The following BCL2L10 variants were observed in gnomAD, a reference collection of about 807,000 sequenced individuals.
BCL2L10 encodes BCL2 like 10, also known as bcl-2-like protein 10.
BCL2L10 carries 14 observed loss-of-function variants against 11.1 expected under a neutral mutation model. That is an observed-to-expected ratio of 1.26 (90% CI 0.83 to 1.96). BCL2L10 has a LOEUF of 1.96. Among genes scored for constraint, BCL2L10 ranks in the 30% most tolerant of loss-of-function variants. The probability of loss-of-function intolerance (pLI) is 0.00; values close to 1 mark genes in which losing one functional copy is unlikely to be tolerated. For missense variants in BCL2L10, 309 were observed against 273.9 expected (o/e 1.13, Z -0.90); for synonymous variants, 154 against 133.4 (o/e 1.15, Z -1.07).
At position 52,112,313 on chromosome 15, in the gene BCL2L10, G is replaced by A; in HGVS notation, c.414C>T (p.Cys138=). Residue 138 remains cysteine, a synonymous_variant, in exon 1 of 2, where the codon TGC becomes TGT. Coordinates refer to ENST00000260442, the MANE Select transcript of BCL2L10 (RefSeq NM_020396.4). The stretch of plus-strand genomic sequence containing the variant: ...AGCTCAGCAAGGCCACCAGGCGCTG[G>A]CAGTCCCGGGCGACGTCGCCCTCCT... ...KEQEGDVARD[C]QRLVALLSSR... The A allele has an allele frequency of 1.3e-6, 2 of 1,576,526 alleles. No individual in the cohort carries two copies. Among genetic ancestry groups the A allele is most frequent in the Non-Finnish European group, 1.7e-6 (2 of 1,168,326 alleles).
At position 52,109,809 on chromosome 15, in the gene BCL2L10, A is replaced by G. The variant is rs770110645; in HGVS notation, c.*39T>C. 5.8e-5 allele frequency: 94 copies of G among 1,607,516 alleles called. 1 individual carries two copies. In the Admixed American group the frequency reaches 1.6e-3, roughly 27 times the overall value. The stretch of plus-strand genomic sequence containing the variant: ...TCACACATCTGTCATTTAGTTGGTC[A>G]CAGTTGGGCAGGTAGAAGCGGGTTA... On this transcript the variant is annotated 3_prime_UTR_variant, in exon 2 of 2. Transcript: ENST00000260442.
At chr15:52,110,874 G>T (rs936959805) in intron 1 of BCL2L10, among the ~76,000 whole-genome samples, 2 of 152,198 alleles carry the variant, frequency 1.3e-5, no homozygotes, top group South Asian at 2.1e-4. Flanking sequence ...GCCAGATGCC[G>T]TATTGAGACA....
chr15:52,110,972 C>G (rs1055840920), intron 1 of BCL2L10, among the ~76,000 whole-genome samples: 1 of 152,042 alleles, frequency 6.6e-6, no homozygotes, highest in Non-Finnish European at 1.5e-5. Context: ...ATGAACAAGG[C>G]AGGAGTTCCT....
rs915947601 is a variant in BCL2L10 at position 52,112,691 on chromosome 15, G to A, written c.36C>T (p.Ala12=). 9 of 1,538,336 alleles carry A rather than the reference G, an allele frequency of 5.9e-6. No individual in the cohort carries two copies. The South Asian group carries it at 7.1e-5, about 12-fold the overall frequency. ...VDQLRERTTM[A]DPLRERTELL... ...GCTCGGTGCGCTCCCGCAGCGGGTC[G>A]GCCATGGTGGTGCGCTCCCGCAACT... The change falls in exon 1 of 2, where the codon GCC becomes GCT. Residue 12 remains alanine, a synonymous_variant. Coordinates refer to ENST00000260442, the MANE Select transcript of BCL2L10 (RefSeq NM_020396.4).
At chr15:52,110,004 C>G (rs1438212007) in intron 1 of BCL2L10, 31 bp from the exon 2 acceptor site, 2 of 1,571,680 alleles carry the variant, frequency 1.3e-6, no homozygotes, top group Non-Finnish European at 1.7e-6. Flanking sequence ...AGTTAGATTG[C>G]CTCATGATGC....
chr15:52,109,650 T>G lies in BCL2L10; in HGVS notation c.*198A>C. 1 of 606,880 alleles carries G rather than the reference T, an allele frequency of 1.6e-6. No homozygotes were observed. The highest frequency in any genetic ancestry group is 3.3e-5 in the South Asian group (1 of 30,296). The allele number at this position is 606,880 out of a possible 1,614,324, so 37.6% of individuals were successfully genotyped here. On this transcript the variant is annotated 3_prime_UTR_variant, in exon 2 of 2. Coordinates refer to ENST00000260442, the MANE Select transcript of BCL2L10 (RefSeq NM_020396.4). ...TTCTTTCACTCAAGGAAGAGCCATT[T>G]GCATTCTTGTCCTCACACCTGAGTA...
chr15:52,110,442 T>A (rs2033037206), intron 1 of BCL2L10, among the ~76,000 whole-genome samples: 1 of 150,980 alleles, frequency 6.6e-6, no homozygotes, highest in Admixed American at 6.6e-5. Context: ...AATTTCAGCT[T>A]TTTTTTTTGA....
rs2231292 is a variant in BCL2L10, at chr15:52,112,665, A to C, written c.62T>G (p.Leu21Arg). 566,166 of 1,549,042 alleles carry C rather than the reference A, an allele frequency of 0.37. 112,959 individuals carry two copies. Among genetic ancestry groups the C allele is most frequent in the African/African-American group, 0.81 (58,751 of 72,968 alleles). ...MADPLRERTE[L>R]LLADYLGYCA... ...GTACCCCAGGTAGTCGGCCAGCAAC[A>C]GCTCGGTGCGCTCCCGCAGCGGGTC... The change falls in exon 1 of 2, where the codon CTG (leucine) becomes CGG (arginine). Residue 21 changes from leucine (L) to arginine (R), a missense_variant. Transcript: ENST00000260442.
At chr15:52,110,615 T>G (rs2033039763) in intron 1 of BCL2L10, among the ~76,000 whole-genome samples, 1 of 152,030 alleles carries the variant, frequency 6.6e-6, no homozygotes, top group Admixed American at 6.5e-5. Flanking sequence ...GTATTTTTAG[T>G]AGAGAGGGGG....
chr15:52,112,265 G>A lies in BCL2L10; in HGVS notation c.462C>T (p.Arg154=). ...LLSSRLMGQH[R]AWLQAQGGWD... ...AGCCGCCCTGAGCCTGCAGCCAGGCGCGGTGCTGCCCCATGAGCCGCGAGC... is the reference window on the plus strand; with the variant it reads ...AGCCGCCCTGAGCCTGCAGCCAGGCACGGTGCTGCCCCATGAGCCGCGAGC... Residue 154 remains arginine (R), a synonymous_variant, in exon 1 of 2, where the codon CGC becomes CGT. Coordinates refer to ENST00000260442, the MANE Select transcript of BCL2L10 (RefSeq NM_020396.4). The A allele has an allele frequency of 6.5e-7, 1 of 1,529,176 alleles. No homozygotes were observed. Among genetic ancestry groups the A allele is most frequent in the Middle Eastern group, 1.8e-4 (1 of 5,626 alleles). 94.7% of individuals were successfully genotyped at this position (1,529,176 alleles called of 1,614,324 possible).
At chr15:52,112,058 A>G (rs2033064070) in intron 1 of BCL2L10, 180 bp downstream of exon 1, 6 of 1,231,414 alleles carry the variant, frequency 4.9e-6, no homozygotes, top group Non-Finnish European at 6.4e-6. Flanking sequence ...CCTTTCTGCC[A>G]GGGGAGGAGA....
At chr15:52,109,997 T>G (rs776870688) in intron 1 of BCL2L10, 24 bp from the exon 2 acceptor site, 81 of 1,583,220 alleles carry the variant, frequency 5.1e-5, no homozygotes, top group Non-Finnish European at 7.0e-5. Flanking sequence ...AGAGAAAAGT[T>G]AGATTGCCTC....
In BCL2L10 at chr15:52,110,714, C is replaced by T. The variant is rs112826678; in HGVS notation, c.490-741G>A. 4.8e-3 allele frequency among the ~76,000 whole-genome samples: 731 copies of T among 152,196 alleles called. 9 individuals are homozygous for T. Among genetic ancestry groups the T allele is most frequent in the African/African-American group, 0.017 (709 of 41,524 alleles). ...TCCCAAAGTGCTGGGATTACAGGTG[C>T]GAGCCACTGCACCCAGCCAAGAATT... On this transcript the variant is annotated intron_variant, in intron 1 of 1. Transcript: ENST00000260442.
rs770062586 is a variant in BCL2L10 at position 52,112,558 on chromosome 15, G to A, written c.169C>T (p.Arg57Trp). ...AVLRSAAARL[R>W]QIHRSFFSAY... ...GAGAAAAAGGACCGGTGAATCTGCC[G>A]TAACCTGGCGGCCGCGGAGCGCAGC... The change falls in exon 1 of 2, where the codon CGG (arginine) becomes TGG (tryptophan). Residue 57 changes from arginine to tryptophan, a missense_variant. Coordinates refer to ENST00000260442, the MANE Select transcript of BCL2L10 (RefSeq NM_020396.4). 2 of 1,583,464 alleles carry A rather than the reference G, an allele frequency of 1.3e-6. No individual in the cohort carries two copies. The highest frequency in any genetic ancestry group is 1.7e-6 in the Non-Finnish European group (2 of 1,171,644).
rs2033020616 is a variant in BCL2L10 at position 52,109,722 on chromosome 15, T to C, written c.*126A>G. The C allele has an allele frequency of 1.5e-6, 2 of 1,341,524 alleles. No homozygotes were observed. The highest frequency in any genetic ancestry group is 2.1e-6 in the Non-Finnish European group (2 of 973,820). 83.1% of individuals were successfully genotyped at this position (1,341,524 alleles called of 1,614,324 possible). ...GGCCAAATCACCACCTCAGGACTCC[T>C]TGTATGCATTCAGATAAAAACGTCT... On this transcript the variant is annotated 3_prime_UTR_variant, in exon 2 of 2. Transcript: ENST00000260442.
intron 1 of BCL2L10, among the ~76,000 whole-genome samples, chr15:52,111,072 C>T (rs1448381318): frequency 6.6e-6 from 1 of 152,054 alleles, no homozygotes; most frequent in African/African-American, 2.4e-5. Flanking sequence ...TGAGGTGGCT[C>T]ACGTCTGTAA....
chr15:52,111,173 A>AACACAC (rs71130130), intron 1 of BCL2L10, among the ~76,000 whole-genome samples: 4,578 of 121,732 alleles, frequency 0.038, 160 homozygotes, highest in East Asian at 0.066. Context: ...CTCTACTGAA[A>AACACAC]ACACACACAC....
Position 52,112,547 on chromosome 15 carries a change from G to A in BCL2L10, c.180C>T (p.His60=). 6.3e-7 allele frequency: 1 copy of A among 1,588,832 alleles called. No individual in the cohort carries two copies. Among genetic ancestry groups the A allele is most frequent in the South Asian group, 1.1e-5 (1 of 89,740 alleles). The change falls in exon 1 of 2, where the codon CAC becomes CAT. Residue 60 remains histidine (H), a synonymous_variant. Transcript: ENST00000260442. ...RSAAARLRQI[H]RSFFSAYLGY... ...CGAGGTAGGCGGAGAAAAAGGACCG[G>A]TGAATCTGCCGTAACCTGGCGGCCG...
In BCL2L10 at chr15:52,112,458, G is replaced by C; in HGVS notation, c.269C>G (p.Pro90Arg). ...LMADSVLSDSPGPTWGRVVTL... is the reference protein window; with the variant it reads ...LMADSVLSDSRGPTWGRVVTL... ...CACCACTCTGCCCCAGGTGGGGCCGGGGCTGTCGGAGAGCACGGAATCCGC... is the reference window on the plus strand; with the variant it reads ...CACCACTCTGCCCCAGGTGGGGCCGCGGCTGTCGGAGAGCACGGAATCCGC... The change falls in exon 1 of 2, where the codon CCC (proline) becomes CGC (arginine). Residue 90 changes from proline to arginine, a missense_variant. Transcript: ENST00000260442. 1 of 1,605,794 alleles carries C rather than the reference G, an allele frequency of 6.2e-7. No individual in the cohort carries two copies. Among genetic ancestry groups the C allele is most frequent in the Non-Finnish European group, 8.5e-7 (1 of 1,179,394 alleles).
Sources: allele counts gnomAD v4.1 joint callset (sites outside exome capture counted in the v4.1 genomes callset), GRCh38; gene constraint gnomAD v4.1.1; transcripts MANE v1.5; gene names NCBI Gene and HGNC (gene_info 2026-07-23, HGNC 2026-07-21).